The following NRXN1 variants were observed in gnomAD, a reference collection of about 807,000 sequenced individuals.
NRXN1 encodes neurexin-1.
Under a neutral mutation model 150.9 loss-of-function variants are expected in NRXN1, and 39 were observed. The observed-to-expected ratio is 0.26, with a 90% CI of 0.20 to 0.34. The LOEUF (loss-of-function observed/expected upper bound fraction) is 0.34. NRXN1 is among the 10% of genes least tolerant of loss of function. The pLI is 1.00. For synonymous variants in NRXN1, 924 were observed against 757.0 expected, an observed-to-expected ratio of 1.22 and a Z score of -3.62; for missense variants, 1,815 against 1,949.9, an observed-to-expected ratio of 0.93 and a Z score of 1.30.
intron 5 of NRXN1, among the ~76,000 whole-genome samples, chr2:50,757,287 G>A (rs752923206): frequency 6.6e-6 from 1 of 151,876 alleles, no homozygotes; most frequent in Non-Finnish European, 1.5e-5. Flanking sequence ...CCGCCACACA[G>A]AGAGTGAGGC....
chr2:50,264,860 A>G (rs1190250141), intron 17 of NRXN1, among the ~76,000 whole-genome samples: 1 of 152,050 alleles, frequency 6.6e-6, no homozygotes, highest in African/African-American at 2.4e-5. Flanking sequence ...CCACACATCT[A>G]TTTTCTTTGG....
intron 17 of NRXN1, among the ~76,000 whole-genome samples, chr2:50,314,817 A>G (rs114349889): frequency 0.01 from 1,584 of 152,118 alleles, 29 homozygotes; most frequent in African/African-American, 0.036. Context: ...AATGATGTTC[A>G]CTTCTATTGT....
chr2:50,839,306 A>G (rs934159602), intron 5 of NRXN1, among the ~76,000 whole-genome samples: 2 of 152,128 alleles, frequency 1.3e-5, no homozygotes, highest in Non-Finnish European at 1.5e-5. Context: ...TATTACATGC[A>G]AGAGGATGTG....
chr2:50,112,534 A>G (rs941441566), intron 18 of NRXN1, among the ~76,000 whole-genome samples: 2 of 152,178 alleles, frequency 1.3e-5, no homozygotes, highest in African/African-American at 4.8e-5. Flanking sequence ...TCTCACTCAA[A>G]TTATTTTTGG....
chr2:49,989,062 C>G (rs905422258), intron 21 of NRXN1, among the ~76,000 whole-genome samples: 2 of 152,048 alleles, frequency 1.3e-5, no homozygotes, highest in Non-Finnish European at 2.9e-5. Flanking sequence ...TAATTGTATG[C>G]TATTTTAAGC....
At chr2:50,829,549 G>A (rs1444087862) in intron 5 of NRXN1, 4 of 1,611,358 alleles carry the variant, frequency 2.5e-6, no homozygotes, top group African/African-American at 2.7e-5. Context: ...GGGATCTTAG[G>A]AGGGGTTTTC....
intron 18 of NRXN1, among the ~76,000 whole-genome samples, chr2:50,152,171 C>T (rs533348939): frequency 1.3e-5 from 2 of 151,772 alleles, no homozygotes; most frequent in African/African-American, 4.8e-5. Flanking sequence ...TCTGGCAAAA[C>T]TCTATTCCCA....
chr2:50,170,233 A>G (rs1378889645), intron 18 of NRXN1, among the ~76,000 whole-genome samples: 1 of 152,108 alleles, frequency 6.6e-6, no homozygotes, highest in African/African-American at 2.4e-5. Flanking sequence ...TCCAAAATCC[A>G]AAATTTTTTG....
chr2:50,182,513 A>C (rs2060798456), intron 18 of NRXN1, among the ~76,000 whole-genome samples: 1 of 151,996 alleles, frequency 6.6e-6, no homozygotes, highest in Admixed American at 6.6e-5. Flanking sequence ...ATTCTCTGTT[A>C]AGTTATGCTG....
intron 17 of NRXN1, among the ~76,000 whole-genome samples, chr2:50,404,056 T>C (rs1215405947): frequency 6.6e-6 from 1 of 151,936 alleles, no homozygotes; most frequent in Non-Finnish European, 1.5e-5. Flanking sequence ...AGAAAGAAAA[T>C]TCATTCTTTT....
chr2:50,072,415 GAGA>G (rs1242501288), intron 19 of NRXN1, among the ~76,000 whole-genome samples: 1 of 151,802 alleles, frequency 6.6e-6, no homozygotes, highest in Non-Finnish European at 1.5e-5. Context: ...AAACTACTGT[GAGA>G]TCCCAAAAGA....
At chr2:50,951,582 A>C (rs1203361008) in intron 2 of NRXN1, among the ~76,000 whole-genome samples, 1 of 152,144 alleles carries the variant, frequency 6.6e-6, no homozygotes, top group Admixed American at 6.5e-5. Context: ...GAAATTTACC[A>C]AGAATTCCTC....
In NRXN1 at chr2:50,443,825, A is replaced by T. The variant is rs373143523; in HGVS notation, c.3364+21617T>A. Among the ~76,000 whole-genome samples the T allele has an allele frequency of 2.6e-5, 4 of 152,308 alleles. No homozygotes were observed. The South Asian group carries it at 8.3e-4, about 32-fold the overall frequency. On this transcript the variant is annotated intron_variant, in intron 17 of 22. Coordinates refer to ENST00000401669, the MANE Select transcript of NRXN1 (RefSeq NM_001330078.2). The stretch of plus-strand genomic sequence containing the variant: ...ACATGTAAAACCTTCCAGACTTTCA[A>T]TATACACTTTATAAAATCTGTCCTC...
intron 17 of NRXN1, among the ~76,000 whole-genome samples, chr2:50,459,631 A>C (rs1313831982): frequency 6.6e-6 from 1 of 152,152 alleles, no homozygotes; most frequent in Non-Finnish European, 1.5e-5. Context: ...TATCCCACAA[A>C]AGACATTATC....
intron 18 of NRXN1, among the ~76,000 whole-genome samples, chr2:50,121,078 G>A (rs145751000): frequency 6.6e-6 from 1 of 152,340 alleles, no homozygotes; most frequent in East Asian, 1.9e-4. Flanking sequence ...AGGCTGGAGT[G>A]CAGTGGCACG....
intron 9 of NRXN1, among the ~76,000 whole-genome samples, chr2:50,546,803 T>C (rs543823279): frequency 5.8e-4 from 89 of 152,322 alleles, no homozygotes; most frequent in African/African-American, 2.0e-3. Flanking sequence ...TGATGAATAG[T>C]GGTTTATGGG....
At chr2:50,977,112 T>G (rs969752852) in intron 2 of NRXN1, among the ~76,000 whole-genome samples, 2 of 151,962 alleles carry the variant, frequency 1.3e-5, no homozygotes, top group African/African-American at 2.4e-5. Context: ...TTTGTGAAGT[T>G]CAATACCTCT....
intron 2 of NRXN1, among the ~76,000 whole-genome samples, chr2:50,955,464 T>C (rs1437327144): frequency 6.6e-6 from 1 of 152,228 alleles, no homozygotes; most frequent in Non-Finnish European, 1.5e-5. Flanking sequence ...AAGCAGGCTT[T>C]TTAAAAAGTG....
intron 15 of NRXN1, among the ~76,000 whole-genome samples, chr2:50,481,603 A>C (rs1471163390): frequency 6.6e-6 from 1 of 152,160 alleles, no homozygotes; most frequent in Non-Finnish European, 1.5e-5. Flanking sequence ...ATCTAGTACA[A>C]ACCAGCACTT....
Sources: allele counts gnomAD v4.1 joint callset (sites outside exome capture counted in the v4.1 genomes callset), GRCh38; gene constraint gnomAD v4.1.1; transcripts MANE v1.5; gene names NCBI Gene and HGNC (gene_info 2026-07-23, HGNC 2026-07-21).